The following ANO10 variants were observed in gnomAD, a reference collection of about 807,000 sequenced individuals.
ANO10 encodes anoctamin 10.
Under a neutral mutation model 74.7 loss-of-function variants are expected in ANO10, and 77 were observed. The observed-to-expected ratio is 1.03, with a 90% CI of 0.86 to 1.25. The LOEUF (loss-of-function observed/expected upper bound fraction) is 1.25. Ranked by LOEUF, ANO10 falls within the 50% of genes most tolerant of loss-of-function variation. The probability of loss-of-function intolerance (pLI) is 0.00; values close to 1 mark genes in which losing one functional copy is unlikely to be tolerated. For synonymous variants in ANO10, 279 were observed against 284.9 expected, an observed-to-expected ratio of 0.98 and a Z score of 0.21; for missense variants, 721 against 778.1, an observed-to-expected ratio of 0.93 and a Z score of 0.87.
At chr3:43,495,805 T>C (rs1340982018) in intron 11 of ANO10, among the ~76,000 whole-genome samples, 1 of 152,050 alleles carries the variant, frequency 6.6e-6, no homozygotes, top group Non-Finnish European at 1.5e-5. Context: ...GTTCACACCA[T>C]TCTCCTGCCT....
At chr3:43,566,077 C>G (rs377369437) in intron 7 of ANO10, among the ~76,000 whole-genome samples, 19 of 152,228 alleles carry the variant, frequency 1.2e-4, no homozygotes, top group African/African-American at 4.1e-4. Flanking sequence ...GGGTGACGGA[C>G]GGCACCTGGA....
intron 11 of ANO10, among the ~76,000 whole-genome samples, chr3:43,543,298 GAGTC>G (rs1431802779): frequency 6.6e-5 from 10 of 152,202 alleles, no homozygotes; most frequent in African/African-American, 2.4e-4. Context: ...TAAAGCCTGT[GAGTC>G]AGGGCACAAA....
intron 11 of ANO10, among the ~76,000 whole-genome samples, chr3:43,470,585 C>T (rs1466000240): frequency 7.2e-6 from 1 of 139,808 alleles, no homozygotes; most frequent in Non-Finnish European, 1.6e-5. Context: ...CCTGCCTCGG[C>T]CTGGTAATTA....
chr3:43,557,500 C>A (rs2079808717), intron 9 of ANO10, among the ~76,000 whole-genome samples: 1 of 152,050 alleles, frequency 6.6e-6, no homozygotes, highest in South Asian at 2.1e-4. Flanking sequence ...CTTTGGGAGG[C>A]CGAGGCGGGT....
intron 11 of ANO10, among the ~76,000 whole-genome samples, chr3:43,459,046 G>A (rs927701745): frequency 1.1e-4 from 16 of 152,146 alleles, no homozygotes; most frequent in African/African-American, 3.9e-4. Flanking sequence ...GTAACCAGGT[G>A]GAACATAAAT....
rs199896331 is a variant in ANO10 at position 43,540,762 on chromosome 3, G to A, written c.1797+8958C>T. 5.3e-5 allele frequency among the ~76,000 whole-genome samples: 8 copies of A among 152,238 alleles called. No homozygotes were observed. The East Asian group carries it at 1.5e-3, about 29-fold the overall frequency. The stretch of plus-strand genomic sequence containing the variant: ...CTGTTAGGAGGGAATGGAGAGAGCT[G>A]GGTTAACAGGGGAAGGAGGTGAAGA... On this transcript the variant is annotated intron_variant, in intron 11 of 12. Transcript: ENST00000292246.
chr3:43,504,298 AGG>A (rs2077206523), intron 11 of ANO10, among the ~76,000 whole-genome samples: 1 of 137,632 alleles, frequency 7.3e-6, no homozygotes, highest in Admixed American at 7.5e-5. Context: ...GTAGGTAGGT[AGG>A]TAGATAGATA....
At position 43,689,007 on chromosome 3, in the gene ANO10, T is replaced by G. The variant is rs138396666; in HGVS notation, c.-12+2510A>C. ...AGAGGGCAAAGCGGGAGCAGGCATC[T>G]TACATGACTAGAGCAGGAGCAAGAG... On this transcript the variant is annotated intron_variant, in intron 1 of 3. Transcript: ENST00000413397. Among the ~76,000 whole-genome samples, 99 of 152,226 alleles carry G rather than the reference T, an allele frequency of 6.5e-4. 2 individuals carry two copies. Among genetic ancestry groups the G allele is most frequent in the African/African-American group, 2.3e-3 (96 of 41,526 alleles).
At chr3:43,537,611 C>CCACACACACA (rs3223349) in intron 11 of ANO10, among the ~76,000 whole-genome samples, 78 of 140,054 alleles carry the variant, frequency 5.6e-4, no homozygotes, top group African/African-American at 1.9e-3. Context: ...ACTTTATAAA[C>CCACACACACA]CACACACACA....
intron 1 of ANO10, among the ~76,000 whole-genome samples, chr3:43,664,954 G>A (rs182036480): frequency 6.6e-4 from 100 of 152,300 alleles, no homozygotes; most frequent in Non-Finnish European, 1.2e-3. Context: ...AACCATTGTG[G>A]AAGACAGTGT....
At chr3:43,603,518 T>C (rs2082427342) in intron 2 of ANO10, among the ~76,000 whole-genome samples, 1 of 152,140 alleles carries the variant, frequency 6.6e-6, no homozygotes, top group African/African-American at 2.4e-5. Flanking sequence ...TATCTTTTCG[T>C]AACTCTGAGT....
chr3:43,566,640 G>C (rs1217519621), intron 7 of ANO10, among the ~76,000 whole-genome samples: 1 of 152,162 alleles, frequency 6.6e-6, no homozygotes, highest in East Asian at 1.9e-4. Flanking sequence ...CTGTTAGAAG[G>C]AAAACTAACA....
intron 12 of ANO10, among the ~76,000 whole-genome samples, chr3:43,395,359 C>T (rs979895900): frequency 1.3e-5 from 2 of 152,072 alleles, no homozygotes; most frequent in Non-Finnish European, 2.9e-5. Context: ...GAAATCTTTG[C>T]CTAATGTAAG....
At chr3:43,458,469 C>G (rs1395025910) in intron 11 of ANO10, among the ~76,000 whole-genome samples, 29 of 152,164 alleles carry the variant, frequency 1.9e-4, no homozygotes, top group Non-Finnish European at 1.5e-5. Flanking sequence ...CAAATTCCTC[C>G]ACATCCTCCT....
chr3:43,684,495 C>A (rs569636807), intron 1 of ANO10, among the ~76,000 whole-genome samples: 52 of 152,154 alleles, frequency 3.4e-4, no homozygotes, highest in Middle Eastern at 3.4e-3. Context: ...ACTGTAAACT[C>A]GTTCAACCAT....
chr3:43,598,657 T>C lies in ANO10; in HGVS notation c.347A>G (p.Asp116Gly), dbSNP rs768410853. ...ACATTCTGCCATTGTCAGGAAATCA[T>C]CATTGTTATCTAAAATAAAACAGAA... Reference protein sequence around the residue: ...QNFKGFDDNNDDFLTMAECQF... With the variant: ...QNFKGFDDNNGDFLTMAECQF... The change falls in exon 4 of 13, where the codon GAT (aspartate) becomes GGT (glycine). Residue 116 changes from aspartate (D) to glycine (G), a missense_variant. Transcript: ENST00000292246. 1 of 1,603,858 alleles carries C rather than the reference T, an allele frequency of 6.2e-7. No homozygotes were observed. The highest frequency in any genetic ancestry group is 2.2e-5 in the East Asian group (1 of 44,656).
chr3:43,547,146 T>A (rs2079231286), intron 11 of ANO10, among the ~76,000 whole-genome samples: 1 of 152,182 alleles, frequency 6.6e-6, no homozygotes, highest in Non-Finnish European at 1.5e-5. Flanking sequence ...AAAATGTTTT[T>A]CATATGCTGA....
intron 11 of ANO10, among the ~76,000 whole-genome samples, chr3:43,549,293 A>G: frequency 6.7e-6 from 1 of 149,672 alleles, no homozygotes; most frequent in Non-Finnish European, 1.5e-5. Flanking sequence ...CCAAATTACC[A>G]TCAGGTACCA....
intron 1 of ANO10, chr3:43,638,807 A>C (rs1261398804): frequency 6.6e-6 from 1 of 152,204 alleles, no homozygotes; most frequent in Non-Finnish European, 1.5e-5. Context: ...TGTTGAACAT[A>C]TTGCTCCCAG....
Sources: gnomAD v4.1 joint callset for allele counts (sites outside exome capture counted in the v4.1 genomes callset) on GRCh38, gnomAD v4.1.1 for gene constraint, MANE v1.5 for transcripts, NCBI Gene and HGNC (gene_info 2026-07-23, HGNC 2026-07-21) for gene names.